The following LY86 variants were observed in gnomAD, a reference collection of about 807,000 sequenced individuals.
LY86 encodes the protein lymphocyte antigen 86.
A neutral mutation model predicts 17.3 loss-of-function variants in LY86; 20 were observed. The ratio of observed to expected loss-of-function variants is 1.15; its 90% CI spans 0.81 to 1.68. The LOEUF (loss-of-function observed/expected upper bound fraction) is 1.68, where lower values mean the gene tolerates loss of function less well. Ranked by LOEUF, LY86 falls within the 40% of genes most tolerant of loss-of-function variation. The pLI is 0.00. For missense variants in LY86, 200 were observed against 191.9 expected, an observed-to-expected ratio of 1.04 and a Z score of -0.25; for synonymous variants, 74 against 70.6, an observed-to-expected ratio of 1.05 and a Z score of -0.24.
intron 3 of LY86, among the ~76,000 whole-genome samples, chr6:6,628,832 A>G (rs1281620650): frequency 6.6e-6 from 1 of 152,240 alleles, no homozygotes; most frequent in Non-Finnish European, 1.5e-5. Flanking sequence ...CTGTGAACAT[A>G]TGATGGATTG....
intron 1 of LY86, among the ~76,000 whole-genome samples, chr6:6,621,807 T>C (rs1761685149): frequency 1.3e-5 from 2 of 152,238 alleles, no homozygotes; most frequent in African/African-American, 2.4e-5. Flanking sequence ...TAAGACATTA[T>C]GTATAGCCCT....
chr6:6,601,907 T>TA (rs1760924327), intron 1 of LY86, among the ~76,000 whole-genome samples: 1 of 152,174 alleles, frequency 6.6e-6, no homozygotes, highest in East Asian at 1.9e-4. Context: ...TGCAGCCTCC[T>TA]AATTTATAAA....
chr6:6,649,753 G>C, intron 4 of LY86, 76 bp downstream of exon 4: 1 of 814,926 alleles, frequency 1.2e-6, no homozygotes, highest in Non-Finnish European at 2.0e-6. Flanking sequence ...GGAGGGAAAG[G>C]AGGAGAAACC....
chr6:6,597,175 AG>A, intron 1 of LY86, among the ~76,000 whole-genome samples: 1 of 152,148 alleles, frequency 6.6e-6, no homozygotes. Flanking sequence ...GGCCCGCAGG[AG>A]GGGGAGTGTG....
intron 1 of LY86, among the ~76,000 whole-genome samples, chr6:6,613,254 G>A (rs12189653): frequency 0.27 from 40,397 of 152,280 alleles, 6,172 homozygotes; most frequent in Middle Eastern, 0.41. Flanking sequence ...GGAGCTGCCT[G>A]CCAATCCCGC....
chr6:6,600,577 G>T (rs563414650), intron 1 of LY86, among the ~76,000 whole-genome samples: 1 of 106,884 alleles, frequency 9.4e-6, no homozygotes, highest in African/African-American at 3.7e-5. Flanking sequence ...GAGACAGAGT[G>T]AGACTCCATC....
intron 3 of LY86, among the ~76,000 whole-genome samples, chr6:6,647,217 G>C (rs1405330594): frequency 6.6e-6 from 1 of 152,162 alleles, no homozygotes; most frequent in Non-Finnish European, 1.5e-5. Context: ...AAATGCAGGA[G>C]GGAGTGTTAA....
At chr6:6,626,896 G>T (rs1186973615) in intron 3 of LY86, among the ~76,000 whole-genome samples, 4 of 151,788 alleles carry the variant, frequency 2.6e-5, no homozygotes, top group Non-Finnish European at 5.9e-5. Context: ...CAGGGCATCC[G>T]GGAGTTACAC....
intron 1 of LY86, among the ~76,000 whole-genome samples, chr6:6,623,217 C>A (rs75398779): frequency 0.014 from 2,111 of 152,246 alleles, 46 homozygotes; most frequent in African/African-American, 0.049. Flanking sequence ...GCTGGGAGAG[C>A]AAAAGGCAGA....
chr6:6,637,834 T>C (rs1055608989), intron 3 of LY86, among the ~76,000 whole-genome samples: 2 of 152,234 alleles, frequency 1.3e-5, no homozygotes, highest in African/African-American at 4.8e-5. Flanking sequence ...TCCATCATCA[T>C]CTACTTCATT....
Position 6,654,576 on chromosome 6 carries a change from T to C in LY86, c.438T>C (p.Thr146=). The C allele has an allele frequency of 6.2e-7, 1 of 1,614,220 alleles. No individual in the cohort carries two copies. The highest frequency in any genetic ancestry group is 1.1e-5 in the South Asian group (1 of 91,084). ...ACCAGGTTTTGCTGGAACTGTACAC[T>C]GAAAAACGGTCCACCGTGGCCTGTG... is the stretch of plus-strand genomic sequence containing the variant. The part of the protein sequence containing the change: ...GEYQVLLELY[T]EKRSTVACAN... Residue 146 remains threonine, a synonymous_variant, in exon 5 of 5, where the codon ACT becomes ACC. Transcript: ENST00000230568.
chr6:6,644,527 A>G (rs575493196), intron 3 of LY86, among the ~76,000 whole-genome samples: 2 of 152,194 alleles, frequency 1.3e-5, no homozygotes, highest in South Asian at 4.2e-4. Flanking sequence ...AAAAAAAGGA[A>G]GACACAGGCC....
chr6:6,621,560 T>C (rs1162789903), intron 1 of LY86: 3 of 152,178 alleles, frequency 2.0e-5, no homozygotes, highest in African/African-American at 7.2e-5. Context: ...TCTAGAGATA[T>C]TTTTGGTTTC....
chr6:6,610,274 G>A (rs1436893020), intron 1 of LY86, among the ~76,000 whole-genome samples: 1 of 152,146 alleles, frequency 6.6e-6, no homozygotes, highest in Non-Finnish European at 1.5e-5. Context: ...AGTACACAGG[G>A]CACCTCTGTA....
At chr6:6,604,934 TAAC>T (rs1289308527) in intron 1 of LY86, among the ~76,000 whole-genome samples, 5 of 149,972 alleles carry the variant, frequency 3.3e-5, no homozygotes, top group African/African-American at 7.4e-5. Context: ...AAAGAGAAAA[TAAC>T]AATCAACGTA....
At chr6:6,632,302 T>G (rs1452661621) in intron 3 of LY86, among the ~76,000 whole-genome samples, 1 of 152,216 alleles carries the variant, frequency 6.6e-6, no homozygotes, top group African/African-American at 2.4e-5. Flanking sequence ...TCCCCACAGC[T>G]GCCATGGACA....
intron 1 of LY86, among the ~76,000 whole-genome samples, chr6:6,598,517 T>G (rs184031303): frequency 1.4e-3 from 213 of 152,352 alleles, no homozygotes; most frequent in Non-Finnish European, 1.9e-3. Context: ...TACCAACCAA[T>G]TGATTCTGGG....
chr6:6,590,160 C>T (rs997613684), intron 1 of LY86, among the ~76,000 whole-genome samples: 1 of 143,386 alleles, frequency 7.0e-6, no homozygotes, highest in African/African-American at 2.6e-5. Flanking sequence ...TCTCCACATA[C>T]AGTCACATTC....
At chr6:6,611,692 G>C (rs963097650) in intron 1 of LY86, among the ~76,000 whole-genome samples, 1 of 152,192 alleles carries the variant, frequency 6.6e-6, no homozygotes, top group Non-Finnish European at 1.5e-5. Context: ...CGCGCCGGTC[G>C]TGTTTGTCCC....
Sources: gnomAD v4.1 joint callset for allele counts (sites outside exome capture counted in the v4.1 genomes callset) on GRCh38, gnomAD v4.1.1 for gene constraint, MANE v1.5 for transcripts, NCBI Gene and HGNC (gene_info 2026-07-23, HGNC 2026-07-21) for gene names.